Variants in VWA3B observed in about 807,000 individuals in gnomAD.
The protein encoded by VWA3B is von Willebrand factor A domain containing 3B.
Under a neutral mutation model 158.3 loss-of-function variants are expected in VWA3B, and 138 were observed. The observed-to-expected ratio is 0.87, with a 90% CI of 0.76 to 1.00. The LOEUF (loss-of-function observed/expected upper bound fraction) is 1.00. VWA3B is among the 50% of genes least tolerant of loss of function. The pLI, the probability that VWA3B is intolerant of heterozygous loss-of-function variation, is 0.00. For synonymous variants in VWA3B, 596 were observed against 587.3 expected, an observed-to-expected ratio of 1.01 and a Z score of -0.21; for missense variants, 1,555 against 1,565.1, an observed-to-expected ratio of 0.99 and a Z score of 0.11.
In VWA3B at chr2:98,236,716, A is replaced by C. The variant is rs1015968349; in HGVS notation, c.2659A>C (p.Lys887Gln). The C allele has an allele frequency of 4.3e-6, 7 of 1,613,496 alleles. No individual in the cohort carries two copies. Among genetic ancestry groups the C allele is most frequent in the Non-Finnish European group, 5.1e-6 (6 of 1,179,904 alleles). The change falls in exon 19 of 28, where the codon AAG (lysine) becomes CAG (glutamine). Residue 887 changes from lysine (K) to glutamine (Q), a missense_variant. Physicochemically the swap from Lys to Gln is moderately conservative, Grantham distance 53 (BLOSUM62 1). Coordinates refer to ENST00000477737, the MANE Select transcript of VWA3B (RefSeq NM_144992.5). Reference sequence around the variant, plus strand: ...CGTCCTGGACAAGCATGTCGTGTCTAAGGTCTTTGATGAGGTAAACTGATT... The same window carrying C: ...CGTCCTGGACAAGCATGTCGTGTCTCAGGTCTTTGATGAGGTAAACTGATT... ...VPVLDKHVVS[K>Q]VFDEVFPLAH...
At chr2:98,280,363 A>AG (rs1383066753) in intron 22 of VWA3B, among the ~76,000 whole-genome samples, 1 of 152,054 alleles carries the variant, frequency 6.6e-6, no homozygotes, top group Non-Finnish European at 1.5e-5. Flanking sequence ...AGAGAGAGAG[A>AG]AAAAAAACAC....
At chr2:98,118,647 A>T (rs1389880600) in intron 3 of VWA3B, among the ~76,000 whole-genome samples, 1 of 152,136 alleles carries the variant, frequency 6.6e-6, no homozygotes, top group Non-Finnish European at 1.5e-5. Flanking sequence ...AGTGATCGGG[A>T]TATAAACCCA....
chr2:98,179,007 GTGCAAA>G (rs1469655573), intron 8 of VWA3B, among the ~76,000 whole-genome samples: 4 of 152,168 alleles, frequency 2.6e-5, no homozygotes, highest in African/African-American at 4.8e-5. Flanking sequence ...TTCCAGTGGT[GTGCAAA>G]TGTTTAACAA....
intron 13 of VWA3B, chr2:98,216,980 G>GCGC: frequency 4.0e-6 from 4 of 993,778 alleles, no homozygotes; most frequent in South Asian, 1.7e-5. Context: ...ATCATTGTAA[G>GCGC]CACCCGCCCC....
intron 2 of VWA3B, among the ~76,000 whole-genome samples, chr2:98,103,965 T>C (rs990396280): frequency 1.3e-5 from 2 of 152,244 alleles, no homozygotes; most frequent in Admixed American, 6.5e-5. Flanking sequence ...TGATATGTCA[T>C]ATTTATTTCA....
At chr2:98,272,534 A>G (rs1373446337) in intron 22 of VWA3B, among the ~76,000 whole-genome samples, 1 of 152,102 alleles carries the variant, frequency 6.6e-6, no homozygotes, top group Non-Finnish European at 1.5e-5. Context: ...CTAGTGATCA[A>G]CTTACCTTCA....
At chr2:98,164,562 T>C (rs1230274259) in intron 8 of VWA3B, among the ~76,000 whole-genome samples, 1 of 152,228 alleles carries the variant, frequency 6.6e-6, no homozygotes, top group Non-Finnish European at 1.5e-5. Context: ...ATTAAGTCAT[T>C]GGCCATGGTC....
At chr2:98,218,205 C>G (rs1684198522) in intron 14 of VWA3B, among the ~76,000 whole-genome samples, 177 bp downstream of exon 14, 1 of 152,162 alleles carries the variant, frequency 6.6e-6, no homozygotes, top group South Asian at 2.1e-4. Flanking sequence ...CAAGGACCAC[C>G]TGAGCTAGGG....
At chr2:98,196,662 C>G (rs1682073698) in intron 12 of VWA3B, among the ~76,000 whole-genome samples, 1 of 152,052 alleles carries the variant, frequency 6.6e-6, no homozygotes, top group South Asian at 2.1e-4. Flanking sequence ...ACCATGTTTC[C>G]CCGGGCTCTC....
intron 21 of VWA3B, among the ~76,000 whole-genome samples, chr2:98,259,722 A>C (rs1279037825): frequency 6.6e-6 from 1 of 151,460 alleles, no homozygotes; most frequent in Non-Finnish European, 1.5e-5. Context: ...TTGTTTTTCT[A>C]TTCTGTAATT....
chr2:98,269,766 T>C (rs1296051543), intron 21 of VWA3B, among the ~76,000 whole-genome samples: 1 of 152,224 alleles, frequency 6.6e-6, no homozygotes, highest in Non-Finnish European at 1.5e-5. Flanking sequence ...GGTTCATATA[T>C]TGTTAAGTCA....
At chr2:98,190,501 AT>A (rs1021955999) in intron 10 of VWA3B, among the ~76,000 whole-genome samples, 5 of 151,850 alleles carry the variant, frequency 3.3e-5, no homozygotes, top group Non-Finnish European at 4.4e-5. Flanking sequence ...ATTTGGTATC[AT>A]TTTTTTTCCA....
intron 7 of VWA3B, among the ~76,000 whole-genome samples, chr2:98,137,919 T>C (rs1445489021): frequency 6.6e-6 from 1 of 152,238 alleles, no homozygotes; most frequent in African/African-American, 2.4e-5. Context: ...AAAACATTCC[T>C]ACTTTTTAAT....
intron 21 of VWA3B, among the ~76,000 whole-genome samples, chr2:98,262,002 G>C (rs1687515979): frequency 6.6e-6 from 1 of 151,644 alleles, no homozygotes. Flanking sequence ...GGATATGAAG[G>C]ATATCTCATA....
At position 98,217,979 on chromosome 2, in the gene VWA3B, A is replaced by AT; in HGVS notation, c.1975dup (p.Tyr659LeufsTer2). 1 of 1,612,924 alleles carries AT rather than the reference A, an allele frequency of 6.2e-7. No homozygotes were observed. Among genetic ancestry groups the AT allele is most frequent in the Non-Finnish European group, 8.5e-7 (1 of 1,179,560 alleles). ...GCTGCTTTGACTGGAGGAGAGTTCC[A>AT]TTTTTATAATTTTGGTTGCAAGGAT... On this transcript the variant is annotated frameshift_variant, in exon 14 of 28. Transcript: ENST00000477737. LOFTEE classifies it high-confidence loss of function.
intron 10 of VWA3B, among the ~76,000 whole-genome samples, chr2:98,190,140 TTGAG>T (rs1421912562): frequency 6.6e-6 from 1 of 152,192 alleles, no homozygotes; most frequent in Non-Finnish European, 1.5e-5. Flanking sequence ...CTTCTTTTGT[TTGAG>T]TATTTTTTAT....
In VWA3B at chr2:98,313,287, A is replaced by G. The variant is rs956961207; in HGVS notation, c.*938A>G. On this transcript the variant is annotated 3_prime_UTR_variant, in exon 28 of 28. Transcript: ENST00000477737. ...ACTAATCCACTTCTAAAAATATGAA[A>G]AAAAAAAAATAAGGGACATGCGCTC... The G allele has an allele frequency of 1.3e-4, 20 of 152,176 alleles. No homozygotes were observed. The highest frequency in any genetic ancestry group is 2.6e-4 in the Non-Finnish European group (18 of 68,038). The allele number at this position is 152,176 out of a possible 1,614,324, so 9.4% of individuals were successfully genotyped here.
At chr2:98,298,186 T>G (rs1208555234) in intron 24 of VWA3B, among the ~76,000 whole-genome samples, 155 bp downstream of exon 24, 2 of 152,204 alleles carry the variant, frequency 1.3e-5, no homozygotes, top group African/African-American at 2.4e-5. Flanking sequence ...GCCCCTGTTC[T>G]GGGACCTGTC....
At chr2:98,149,405 C>T (rs1455592168) in intron 7 of VWA3B, among the ~76,000 whole-genome samples, 1 of 152,154 alleles carries the variant, frequency 6.6e-6, no homozygotes, top group Non-Finnish European at 1.5e-5. Context: ...GGCTCCAGAG[C>T]CCAGTTACAG....
Sources: gnomAD v4.1 joint callset for allele counts (sites outside exome capture counted in the v4.1 genomes callset) on GRCh38, gnomAD v4.1.1 for gene constraint, MANE v1.5 for transcripts, NCBI Gene and HGNC (gene_info 2026-07-23, HGNC 2026-07-21) for gene names.